The following DENND1A variants were observed in gnomAD, a reference collection of about 807,000 sequenced individuals.
The protein encoded by DENND1A is DENN domain-containing protein 1A.
DENND1A carries 51 observed loss-of-function variants against 113.7 expected under a neutral mutation model. The observed-to-expected ratio is 0.45, with a 90% CI of 0.36 to 0.57. The LOEUF (loss-of-function observed/expected upper bound fraction) is 0.57, where lower values mean the gene tolerates loss of function less well. Among genes scored for constraint, DENND1A ranks in the 20% least tolerant of loss-of-function variants. The pLI, the probability that DENND1A is intolerant of heterozygous loss-of-function variation, is 0.00. For synonymous variants in DENND1A, 565 were observed against 570.8 expected (o/e 0.99, Z 0.14); for missense variants, 1,258 against 1,395.9 (o/e 0.90, Z 1.57).
chr9:123,677,894 T>C (rs2064188920), intron 5 of DENND1A, among the ~76,000 whole-genome samples: 1 of 152,162 alleles, frequency 6.6e-6, no homozygotes, highest in Admixed American at 6.5e-5. Flanking sequence ...GTCCTCTGTC[T>C]ACTTCCTCAT....
chr9:123,594,061 C>T (rs1344327029), intron 11 of DENND1A, among the ~76,000 whole-genome samples: 9 of 152,332 alleles, frequency 5.9e-5, no homozygotes, highest in African/African-American at 2.2e-4. Flanking sequence ...TCCTGTACAG[C>T]CTGCAGAACC....
intron 13 of DENND1A, among the ~76,000 whole-genome samples, chr9:123,467,650 C>T (rs1018452741): frequency 1.4e-4 from 22 of 152,204 alleles, no homozygotes; most frequent in African/African-American, 3.6e-4. Context: ...AGAGAAACTC[C>T]GTCTTGAAAC....
At chr9:123,730,278 A>G (rs571589376) in intron 5 of DENND1A, among the ~76,000 whole-genome samples, 1 of 152,352 alleles carries the variant, frequency 6.6e-6, no homozygotes, top group South Asian at 2.1e-4. Flanking sequence ...TAAACTAAAG[A>G]GCTTCTGCAC....
At chr9:123,594,816 A>T (rs1042925504) in intron 11 of DENND1A, among the ~76,000 whole-genome samples, 8 of 152,198 alleles carry the variant, frequency 5.3e-5, no homozygotes, top group African/African-American at 1.9e-4. Context: ...GTGCATATAT[A>T]TGAGTACATA....
In DENND1A at chr9:123,390,498, A is replaced by C. The variant is rs1023173550; in HGVS notation, c.1632-2640T>G. Among the ~76,000 whole-genome samples the C allele has an allele frequency of 4.6e-5, 7 of 152,316 alleles. 1 individual carries two copies. Among genetic ancestry groups the C allele is most frequent in the African/African-American group, 1.7e-4 (7 of 41,574 alleles). ...AACAAGCAGGTACCGTGCTTTATAG[A>C]GGCCACTTCTACCCCTCACAAGAGC... On this transcript the variant is annotated intron_variant, in intron 21 of 23. Transcript: ENST00000394215.
chr9:123,583,362 G>A (rs1381684392), intron 11 of DENND1A, 92 bp from the exon 12 acceptor site: 1 of 897,290 alleles, frequency 1.1e-6, no homozygotes, highest in African/African-American at 1.7e-5. Flanking sequence ...GCATAGAGAA[G>A]GAAAGTGACA....
chr9:123,929,786 T>C (rs1200512225), intron 1 of DENND1A, 103 bp downstream of exon 1: 1 of 169,668 alleles, frequency 5.9e-6, no homozygotes. Flanking sequence ...GGCGCCCCTC[T>C]GGTCTCGGCA....
chr9:123,651,747 T>C (rs1245316414), intron 9 of DENND1A, among the ~76,000 whole-genome samples: 1 of 152,098 alleles, frequency 6.6e-6, no homozygotes, highest in Non-Finnish European at 1.5e-5. Context: ...AAAATGACAA[T>C]TGAAGCTCAT....
intron 21 of DENND1A, among the ~76,000 whole-genome samples, chr9:123,397,876 G>A (rs1039956888): frequency 3.3e-5 from 5 of 152,212 alleles, no homozygotes; most frequent in Admixed American, 2.6e-4. Context: ...CCTGGGCCCT[G>A]GTGGCTGAGT....
At chr9:123,696,299 T>C (rs2065517449) in intron 5 of DENND1A, among the ~76,000 whole-genome samples, 1 of 152,236 alleles carries the variant, frequency 6.6e-6, no homozygotes, top group Non-Finnish European at 1.5e-5. Flanking sequence ...CAATGGCAGT[T>C]CCTGTACTTT....
chr9:123,705,486 A>G (rs1042083220), intron 5 of DENND1A, among the ~76,000 whole-genome samples: 4 of 152,184 alleles, frequency 2.6e-5, no homozygotes, highest in African/African-American at 9.6e-5. Context: ...AGCTGGGCAA[A>G]AGATCAATAT....
chr9:123,696,911 T>C (rs1201155722), intron 5 of DENND1A, among the ~76,000 whole-genome samples: 1 of 152,210 alleles, frequency 6.6e-6, no homozygotes. Context: ...TAAAAAGGTC[T>C]CTATTCACCA....
In DENND1A at chr9:123,863,989, CA is replaced by C. The variant is rs760383280; in HGVS notation, c.88+14961del. Among the ~76,000 whole-genome samples the C allele has an allele frequency of 3.0e-3, 397 of 134,518 alleles. 2 individuals carry two copies. Among genetic ancestry groups the C allele is most frequent in the South Asian group, 0.014 (59 of 4,268 alleles). The allele number at this position is 134,518 out of a possible 152,430, so 88.2% of individuals were successfully genotyped here. A position where few individuals can be genotyped will look rare whatever the true frequency, so the allele number is the denominator to read the frequency against. ...TAACAAAACTCCATATTGCTTCACT[CA>C]AAAAAAAAAAACACACAGAAAATCA... On this transcript the variant is annotated intron_variant, in intron 2 of 23. Transcript: ENST00000394215.
At chr9:123,527,136 C>T (rs2054911520) in intron 13 of DENND1A, among the ~76,000 whole-genome samples, 1 of 152,098 alleles carries the variant, frequency 6.6e-6, no homozygotes, top group Non-Finnish European at 1.5e-5. Flanking sequence ...CCCTGTGGAT[C>T]CTATCCCTTC....
At chr9:123,424,926 C>T (rs2045596822) in intron 19 of DENND1A, among the ~76,000 whole-genome samples, 1 of 152,200 alleles carries the variant, frequency 6.6e-6, no homozygotes. Context: ...TAGTCCTTGC[C>T]ATCCCTTCCT....
At chr9:123,647,013 C>T (rs780246364) in intron 9 of DENND1A, among the ~76,000 whole-genome samples, 1 of 152,160 alleles carries the variant, frequency 6.6e-6, no homozygotes, top group Non-Finnish European at 1.5e-5. Context: ...AAGGTCAAGA[C>T]ACTGCTTCAC....
At chr9:123,634,254 G>T (rs1022994742) in intron 9 of DENND1A, among the ~76,000 whole-genome samples, 2 of 152,176 alleles carry the variant, frequency 1.3e-5, no homozygotes, top group Non-Finnish European at 2.9e-5. Context: ...TAAGGTGTTT[G>T]CTCATTTCAT....
At chr9:123,851,111 A>C (rs2133140516) in intron 2 of DENND1A, among the ~76,000 whole-genome samples, 1 of 152,344 alleles carries the variant, frequency 6.6e-6, no homozygotes, top group Admixed American at 6.5e-5. Context: ...GTGTACATCC[A>C]TTAAACCATC....
intron 3 of DENND1A, among the ~76,000 whole-genome samples, chr9:123,772,839 A>C (rs1426246931): frequency 6.6e-6 from 1 of 152,158 alleles, no homozygotes; most frequent in African/African-American, 2.4e-5. Flanking sequence ...ACCTGGTTCC[A>C]TGTCCCCTGG....
Sources: allele counts gnomAD v4.1 joint callset (sites outside exome capture counted in the v4.1 genomes callset), GRCh38; gene constraint gnomAD v4.1.1; transcripts MANE v1.5; gene names NCBI Gene and HGNC (gene_info 2026-07-23, HGNC 2026-07-21).